The following OSBPL5 variants were observed in gnomAD, a reference collection of about 807,000 sequenced individuals.
OSBPL5 encodes oxysterol-binding protein-related protein 5.
In OSBPL5, 71 loss-of-function variants were observed where a neutral mutation model predicts 111.2. The ratio of observed to expected loss-of-function variants is 0.64; its 90% CI spans 0.53 to 0.78. The LOEUF (loss-of-function observed/expected upper bound fraction) is 0.78. Among genes scored for constraint, OSBPL5 ranks in the 30% least tolerant of loss-of-function variants. The pLI, the probability that OSBPL5 is intolerant of heterozygous loss-of-function variation, is 0.00. For missense variants in OSBPL5, 1,210 were observed against 1,189.3 expected, an observed-to-expected ratio of 1.02 and a Z score of -0.26; for synonymous variants, 549 against 513.9, an observed-to-expected ratio of 1.07 and a Z score of -0.93.
chr11:3,156,362 C>T (rs1051475972), intron 1 of OSBPL5, among the ~76,000 whole-genome samples: 1 of 152,160 alleles, frequency 6.6e-6, no homozygotes, highest in Admixed American at 6.5e-5. Context: ...TTGCAGAGGG[C>T]GGTCAACTAC....
chr11:3,098,773 G>A (rs1453627724), intron 14 of OSBPL5, among the ~76,000 whole-genome samples: 1 of 151,806 alleles, frequency 6.6e-6, no homozygotes, highest in African/African-American at 2.4e-5. Context: ...CCAAAGTGCT[G>A]GGATTACAGT....
chr11:3,162,111 T>G lies in OSBPL5; in HGVS notation c.-22+3105A>C, dbSNP rs1470592873. Among the ~76,000 whole-genome samples the G allele has an allele frequency of 1.3e-5, 2 of 152,068 alleles. No individual in the cohort carries two copies. The highest frequency in any genetic ancestry group is 2.9e-5 in the Non-Finnish European group (2 of 68,012). ...TCTCAAAGGGCTCTAAGTGGTCAAA[T>G]TACATGAAGTGGTTTATCTTTTTAA... On this transcript the variant is annotated intron_variant, in intron 1 of 21. Transcript: ENST00000263650. This position sits in a 1 kb window ranked among gnomAD's most constrained non-coding sequence, Gnocchi z 8.1.
chr11:3,093,308 A>T, intron 17 of OSBPL5: 2 of 796,330 alleles, frequency 2.5e-6, no homozygotes, highest in Non-Finnish European at 3.9e-6. Flanking sequence ...GCAGTGATGC[A>T]GTGAGAGGTC....
At chr11:3,103,794 GC>G (rs1191044476) in intron 10 of OSBPL5, among the ~76,000 whole-genome samples, 10 of 33,920 alleles carry the variant, frequency 2.9e-4, no homozygotes, top group South Asian at 2.2e-3. Flanking sequence ...GTCCCTTCCT[GC>G]CTCTGCAGCC....
chr11:3,158,305 C>T (rs916643182), intron 1 of OSBPL5, among the ~76,000 whole-genome samples: 9 of 152,220 alleles, frequency 5.9e-5, no homozygotes, highest in Admixed American at 2.6e-4. Flanking sequence ...CTGGAGTGGG[C>T]GAGGGTTCCC....
At chr11:3,103,394 C>T (rs1857524997) in intron 10 of OSBPL5, 74 bp from the exon 11 acceptor site, 4 of 1,378,416 alleles carry the variant, frequency 2.9e-6, no homozygotes, top group Middle Eastern at 2.1e-4. Flanking sequence ...TGACCCTTCC[C>T]TCCTACCATC....
chr11:3,120,045 A>G (rs924318100), intron 6 of OSBPL5: 2 of 421,542 alleles, frequency 4.7e-6, no homozygotes, highest in Non-Finnish European at 8.6e-6. Context: ...AAATGTAACC[A>G]GGTGTTCAGG....
chr11:3,105,185 C>T lies in OSBPL5; in HGVS notation c.1060-808G>A, dbSNP rs1373873304. ...TGTCCAAGGTCACACGGCTGCTATG[C>T]GGCAGAGGTCAGATCTGAACTCAGG... On this transcript the variant is annotated intron_variant, in intron 9 of 21. Transcript: ENST00000263650. The surrounding 1 kb of genome is among the most constrained non-coding windows in gnomAD (Gnocchi z 5.2). 1.3e-5 allele frequency among the ~76,000 whole-genome samples: 2 copies of T among 152,192 alleles called. No individual in the cohort carries two copies. Among genetic ancestry groups the T allele is most frequent in the South Asian group, 2.1e-4 (1 of 4,826 alleles).
rs200696423 is a variant in OSBPL5 at position 3,093,087 on chromosome 11, C to T, written c.1947-35G>A. 2.3e-4 allele frequency: 342 copies of T among 1,486,236 alleles called. 1 individual carries two copies. In the African/African-American group the frequency reaches 4.2e-3, roughly 18 times the overall value. 92.1% of individuals were successfully genotyped at this position (1,486,236 alleles called of 1,614,324 possible). On this transcript the variant is annotated intron_variant, in intron 17 of 21. Coordinates refer to ENST00000263650, the MANE Select transcript of OSBPL5 (RefSeq NM_020896.4). ...AGTGACCCATCCTGAGCCAGTGGCC[C>T]GGGCAGCCCGACCCCTAGGCAGCTA...
chr11:3,126,319 G>A lies in OSBPL5; in HGVS notation c.219+154C>T, dbSNP rs878892188. On this transcript the variant is annotated intron_variant, in intron 3 of 21. Transcript: ENST00000263650. The surrounding 1 kb of genome is among the most constrained non-coding windows in gnomAD (Gnocchi z 6.5). The stretch of plus-strand genomic sequence containing the variant: ...CCAAATATCCACCAGCAGCCCTCCC[G>A]GAGCAGCACAGTCTAGGATTGGGAG... Among the ~76,000 whole-genome samples the A allele has an allele frequency of 3.3e-5, 5 of 152,156 alleles. No homozygotes were observed. Among genetic ancestry groups the A allele is most frequent in the Admixed American group, 6.5e-5 (1 of 15,278 alleles).
rs1201945289 is a variant in OSBPL5 at position 3,107,645 on chromosome 11, G to A, written c.866+126C>T. On this transcript the variant is annotated intron_variant, in intron 8 of 21. Coordinates refer to ENST00000263650, the MANE Select transcript of OSBPL5 (RefSeq NM_020896.4). The surrounding 1 kb of genome is among the most constrained non-coding windows in gnomAD (Gnocchi z 6.1). The stretch of plus-strand genomic sequence containing the variant: ...CGAGGCTCCCAGGGCACACTGCAGC[G>A]AACAAGTCCCTGCGTGCAGCCTGCA... The A allele has an allele frequency of 4.2e-6, 6 of 1,415,370 alleles. No individual in the cohort carries two copies. The highest frequency in any genetic ancestry group is 2.6e-5 in the South Asian group (2 of 77,664). 87.7% of individuals were successfully genotyped at this position (1,415,370 alleles called of 1,614,324 possible).
rs11820700 is a variant in OSBPL5 at position 3,138,270 on chromosome 11, A to G, written c.-21-9101T>C. Reference sequence around the variant, plus strand: ...TCCACCAGCCCTAAGAAGCCCTGGCATGGGGGCGGGCTGGGCGTGGTCCCT... The same window carrying G: ...TCCACCAGCCCTAAGAAGCCCTGGCGTGGGGGCGGGCTGGGCGTGGTCCCT... On this transcript the variant is annotated intron_variant, in intron 1 of 21. Coordinates refer to ENST00000263650, the MANE Select transcript of OSBPL5 (RefSeq NM_020896.4). Among the ~76,000 whole-genome samples the G allele has an allele frequency of 2.0e-5, 3 of 152,296 alleles. No homozygotes were observed. The South Asian group carries it at 6.2e-4, about 32-fold the overall frequency.
intron 1 of OSBPL5, among the ~76,000 whole-genome samples, chr11:3,144,345 C>T (rs376424923): frequency 1.4e-4 from 22 of 152,284 alleles, no homozygotes; most frequent in East Asian, 5.8e-4. Context: ...AGCCCCATGA[C>T]GGGGAGCTGG....
At position 3,113,019 on chromosome 11, in the gene OSBPL5, A is replaced by G. The variant is rs1051391260; in HGVS notation, c.692-5074T>C. Among the ~76,000 whole-genome samples the G allele has an allele frequency of 6.6e-6, 1 of 152,216 alleles. No individual in the cohort carries two copies. Among genetic ancestry groups the G allele is most frequent in the African/African-American group, 2.4e-5 (1 of 41,468 alleles). ...ATTGCCATGCCTAATATGTCTATGT[A>G]TTTATGTGTCGTGTACACAATGTTT... On this transcript the variant is annotated intron_variant, in intron 7 of 21. Transcript: ENST00000263650. This position sits in a 1 kb window ranked among gnomAD's most constrained non-coding sequence, Gnocchi z 4.8.
At chr11:3,134,323 C>T (rs1845893341) in intron 1 of OSBPL5, among the ~76,000 whole-genome samples, 1 of 152,196 alleles carries the variant, frequency 6.6e-6, no homozygotes, top group African/African-American at 2.4e-5. Flanking sequence ...GGCACGACTT[C>T]CATTGTTGGG....
chr11:3,146,400 T>A lies in OSBPL5; in HGVS notation c.-21-17231A>T, dbSNP rs1006236079. ...GTAGGAAAGGGGTCTCGTTTGTGGA[T>A]TCCTCTACAGGATTTGGGGGTACCT... On this transcript the variant is annotated intron_variant, in intron 1 of 21. Transcript: ENST00000263650. This position sits in a 1 kb window ranked among gnomAD's most constrained non-coding sequence, Gnocchi z 7.8. The A allele has an allele frequency of 7.2e-5, 11 of 152,244 alleles. No individual in the cohort carries two copies. Among genetic ancestry groups the A allele is most frequent in the Admixed American group, 3.3e-4 (5 of 15,266 alleles). The allele number at this position is 152,244 out of a possible 1,614,324, so 9.4% of individuals were successfully genotyped here.
In OSBPL5 at chr11:3,126,408, G is replaced by A; in HGVS notation, c.219+65C>T. 7.1e-7 allele frequency: 1 copy of A among 1,415,164 alleles called. No individual in the cohort carries two copies. The highest frequency in any genetic ancestry group is 2.5e-5 in the East Asian group (1 of 39,412). The allele number at this position is 1,415,164 out of a possible 1,614,324, so 87.7% of individuals were successfully genotyped here. On this transcript the variant is annotated intron_variant, in intron 3 of 21. Transcript: ENST00000263650. This position sits in a 1 kb window ranked among gnomAD's most constrained non-coding sequence, Gnocchi z 6.5. ...GGACGCCCTGCTGTCCTTTTCCCCA[G>A]CCGTTTCCTGCTGTCCCCAGAGCCA... is the stretch of plus-strand genomic sequence containing the variant.
intron 20 of OSBPL5, 64 bp from the exon 21 acceptor site, chr11:3,090,012 G>A: frequency 1.5e-6 from 2 of 1,323,738 alleles, no homozygotes; most frequent in South Asian, 1.4e-5. Flanking sequence ...TGGAGGTCCA[G>A]TGGGGCTGGC....
At chr11:3,144,772 G>A (rs1846281115) in intron 1 of OSBPL5, among the ~76,000 whole-genome samples, 1 of 152,336 alleles carries the variant, frequency 6.6e-6, no homozygotes, top group East Asian at 1.9e-4. Flanking sequence ...GCGTCCCCAC[G>A]CTCAGGCAGC....
Sources: allele counts gnomAD v4.1 joint callset (sites outside exome capture counted in the v4.1 genomes callset), GRCh38; gene constraint gnomAD v4.1.1; non-coding constraint Gnocchi (gnomAD v3.1); transcripts MANE v1.5; gene names NCBI Gene and HGNC (gene_info 2026-07-23, HGNC 2026-07-21).